The following RALGPS2 variants were observed in gnomAD, a reference collection of about 807,000 sequenced individuals.
RALGPS2 encodes Ral GEF with PH domain and SH3 binding motif 2, also known as ras-specific guanine nucleotide-releasing factor RalGPS2.
Under a neutral mutation model 86.8 loss-of-function variants are expected in RALGPS2, and 43 were observed. That is an observed-to-expected ratio of 0.50 (90% CI 0.39 to 0.64). The LOEUF (loss-of-function observed/expected upper bound fraction) is 0.64, where lower values mean the gene tolerates loss of function less well. Among genes scored for constraint, RALGPS2 ranks in the 30% least tolerant of loss-of-function variants. The pLI is 0.00. For missense variants in RALGPS2, 536 were observed against 694.6 expected (o/e 0.77, Z 2.57); for synonymous variants, 243 against 231.3 (o/e 1.05, Z -0.46).
intron 4 of RALGPS2, among the ~76,000 whole-genome samples, chr1:178,793,935 A>T (rs1558122686): frequency 6.6e-6 from 1 of 152,164 alleles, no homozygotes; most frequent in South Asian, 2.1e-4. Flanking sequence ...AATGCTGAGT[A>T]GGGCAGAAGT....
intron 2 of RALGPS2, 90 bp from the exon 3 acceptor site, chr1:178,784,328 T>C (rs1336915142): frequency 7.6e-6 from 7 of 927,110 alleles, no homozygotes; most frequent in South Asian, 2.4e-5. Flanking sequence ...ACCTACTGTT[T>C]TGTTTTCTCA....
At chr1:178,837,991 G>A (rs1355794227) in intron 8 of RALGPS2, among the ~76,000 whole-genome samples, 4 of 152,188 alleles carry the variant, frequency 2.6e-5, no homozygotes, top group Admixed American at 1.3e-4. Context: ...AGGGGCATCC[G>A]CCATTGCTGA....
At chr1:178,767,373 T>TG (rs1264234225) in intron 1 of RALGPS2, among the ~76,000 whole-genome samples, 1 of 149,960 alleles carries the variant, frequency 6.7e-6, no homozygotes, top group African/African-American at 2.5e-5. Flanking sequence ...TTTTTTTTTT[T>TG]TTTTTTTTGG....
Position 178,856,198 on chromosome 1 carries a change from GAGAGAT to G in RALGPS2, c.608-21298_608-21293del, listed in dbSNP as rs1292601323. The stretch of plus-strand genomic sequence containing the variant: ...TGTTACCTGTACTTTTCCAGAGAGA[GAGAGAT>G]ATATATATATATATATATATATATA... On this transcript the variant is annotated intron_variant, in intron 8 of 19. Coordinates refer to ENST00000367635, the MANE Select transcript of RALGPS2 (RefSeq NM_152663.5). 7.0e-3 allele frequency among the ~76,000 whole-genome samples: 330 copies of G among 47,226 alleles called. 4 individuals carry two copies. Among genetic ancestry groups the G allele is most frequent in the African/African-American group, 0.02 (316 of 16,090 alleles). The allele number at this position is 47,226 out of a possible 152,430, so 31.0% of individuals were successfully genotyped here.
At chr1:178,899,069 T>C (rs1660058993) in intron 17 of RALGPS2, among the ~76,000 whole-genome samples, 1 of 151,966 alleles carries the variant, frequency 6.6e-6, no homozygotes, top group Non-Finnish European at 1.5e-5. Flanking sequence ...GAAAAGTCAT[T>C]ATTCAAAATA....
At chr1:178,837,739 C>T (rs1656351066) in intron 8 of RALGPS2, among the ~76,000 whole-genome samples, 1 of 151,930 alleles carries the variant, frequency 6.6e-6, no homozygotes, top group Admixed American at 6.5e-5. Flanking sequence ...CATCACCTCA[C>T]CCGGGAAGTG....
rs1249545494 is a variant in RALGPS2 at position 178,779,206 on chromosome 1, T to C, written c.57+2385T>C. On this transcript the variant is annotated intron_variant, in intron 2 of 19. Transcript: ENST00000367635. ...TGTAGTTTAGCATTTAAGATGGAGA[T>C]GTGAAGACTGAACTAGATGCTCACC... 9.5e-4 allele frequency among the ~76,000 whole-genome samples: 144 copies of C among 152,304 alleles called. 1 individual carries two copies. The highest frequency in any genetic ancestry group is 2.1e-4 in the South Asian group (1 of 4,824).
rs1660835396 is a variant in RALGPS2, at chr1:178,916,895, C to T, written c.*536C>T. 6.6e-6 allele frequency: 1 copy of T among 152,316 alleles called. No individual in the cohort carries two copies. Among genetic ancestry groups the T allele is most frequent in the African/African-American group, 2.4e-5 (1 of 41,438 alleles). 9.4% of individuals were successfully genotyped at this position (152,316 alleles called of 1,614,324 possible). A position where few individuals can be genotyped will look rare whatever the true frequency, so the allele number is the denominator to read the frequency against. The stretch of plus-strand genomic sequence containing the variant: ...TGTTCTCCCTCTAGTAGTCTGCAAC[C>T]TCACTGGCTTTCTCACAGCAAGAGT... On this transcript the variant is annotated 3_prime_UTR_variant, in exon 20 of 20. Transcript: ENST00000367635.
At chr1:178,839,727 A>C (rs1656483811) in intron 8 of RALGPS2, among the ~76,000 whole-genome samples, 1 of 152,230 alleles carries the variant, frequency 6.6e-6, no homozygotes, top group Non-Finnish European at 1.5e-5. Context: ...AATTGGATAA[A>C]GAGTGAAGAC....
chr1:178,786,213 T>G (rs1214563189), intron 4 of RALGPS2, among the ~76,000 whole-genome samples: 1 of 152,024 alleles, frequency 6.6e-6, no homozygotes. Flanking sequence ...TGTTTACAGG[T>G]CAGCTGTATT....
chr1:178,753,141 G>A (rs1365468871), intron 1 of RALGPS2, among the ~76,000 whole-genome samples: 1 of 152,168 alleles, frequency 6.6e-6, no homozygotes, highest in Non-Finnish European at 1.5e-5. Context: ...ATGTGGACTT[G>A]GCAAGATCAC....
chr1:178,764,855 G>C (rs953542239), intron 1 of RALGPS2, among the ~76,000 whole-genome samples: 10 of 152,112 alleles, frequency 6.6e-5, no homozygotes, highest in African/African-American at 2.4e-4. Flanking sequence ...TTGGGGGTGG[G>C]GCCTAGTGGG....
chr1:178,862,749 G>A (rs567398149), intron 8 of RALGPS2, among the ~76,000 whole-genome samples: 1 of 152,160 alleles, frequency 6.6e-6, no homozygotes, highest in South Asian at 2.1e-4. Flanking sequence ...TTTTTGTGAA[G>A]GAAACTAGTG....
At chr1:178,844,504 T>C (rs753932606) in intron 8 of RALGPS2, among the ~76,000 whole-genome samples, 2 of 152,070 alleles carry the variant, frequency 1.3e-5, no homozygotes, top group Non-Finnish European at 2.9e-5. Context: ...CCTTGAAAAA[T>C]TGTCTCTTCT....
intron 1 of RALGPS2, among the ~76,000 whole-genome samples, chr1:178,748,948 A>G (rs1651498115): frequency 6.6e-6 from 1 of 151,840 alleles, no homozygotes; most frequent in Admixed American, 6.6e-5. Context: ...TACTTTGAAC[A>G]TGTGTAATTT....
intron 4 of RALGPS2, among the ~76,000 whole-genome samples, chr1:178,807,458 CAT>C (rs1442659540): frequency 3.3e-5 from 5 of 152,214 alleles, no homozygotes; most frequent in East Asian, 3.8e-4. Flanking sequence ...AACTACATCA[CAT>C]GTGTTGCCAA....
chr1:178,770,977 T>C (rs111491242), intron 1 of RALGPS2, among the ~76,000 whole-genome samples: 2,824 of 151,448 alleles, frequency 0.019, 82 homozygotes, highest in African/African-American at 0.065. Flanking sequence ...TCGCTGGGAT[T>C]ACAGGCGCCG....
rs1182290941 is a variant in RALGPS2, at chr1:178,734,960, T to C, written c.-84+9541T>C. On this transcript the variant is annotated intron_variant, in intron 1 of 19. Coordinates refer to ENST00000367635, the MANE Select transcript of RALGPS2 (RefSeq NM_152663.5). ...TTGTTTGATCTTTTTTATTTTATAA[T>C]AGAAGTAGTTAAAATGATATTAAGA... Among the ~76,000 whole-genome samples the C allele has an allele frequency of 2.6e-5, 4 of 152,136 alleles. No homozygotes were observed. In the East Asian group the frequency reaches 5.8e-4, roughly 22 times the overall value.
intron 2 of RALGPS2, among the ~76,000 whole-genome samples, chr1:178,782,480 CTACTTGGGAGAGGAAAAA>C (rs1320976412): frequency 4.6e-5 from 7 of 152,112 alleles, no homozygotes; most frequent in Non-Finnish European, 1.0e-4. Context: ...AGAGCCTAAC[CTACTTGGGAGAGGAAAAA>C]TCCTCAACTT....
Sources: allele counts gnomAD v4.1 joint callset (sites outside exome capture counted in the v4.1 genomes callset), GRCh38; gene constraint gnomAD v4.1.1; transcripts MANE v1.5; gene names NCBI Gene and HGNC (gene_info 2026-07-23, HGNC 2026-07-21).